The following CMC1 variants were observed in gnomAD, a reference collection of about 807,000 sequenced individuals.
CMC1 encodes COX assembly mitochondrial protein homolog.
A neutral mutation model predicts 14.1 loss-of-function variants in CMC1; 14 were observed. The ratio of observed to expected loss-of-function variants is 0.99; its 90% CI spans 0.66 to 1.55. The LOEUF is 1.55. CMC1 is among the 40% of genes most tolerant of loss of function. The pLI is 0.00. For synonymous variants in CMC1, 50 were observed against 38.4 expected (o/e 1.30, Z -1.12); for missense variants, 127 against 123.8 (o/e 1.03, Z -0.12).
At chr3:28,247,338 A>C (rs769736578) in intron 1 of CMC1, among the ~76,000 whole-genome samples, 1 of 152,084 alleles carries the variant, frequency 6.6e-6, no homozygotes, top group Non-Finnish European at 1.5e-5. Context: ...AAAACCCTTA[A>C]GAGAGTAAGG....
chr3:28,293,047 G>A lies in CMC1; in HGVS notation c.110-23286G>A, dbSNP rs376268131. 8 of 152,168 alleles carry A rather than the reference G, an allele frequency of 5.3e-5. No homozygotes were observed. The East Asian group carries it at 1.2e-3, about 22-fold the overall frequency. 9.4% of individuals were successfully genotyped at this position (152,168 alleles called of 1,614,324 possible). ...TTGAATCTCCAATCAGTTCTCTCTT[G>A]TATCTATATATGCTAAACATACCTT... is the stretch of plus-strand genomic sequence containing the variant. On this transcript the variant is annotated intron_variant, in intron 2 of 3. Coordinates refer to ENST00000466830, the MANE Select transcript of CMC1 (RefSeq NM_182523.2).
intron 2 of CMC1, among the ~76,000 whole-genome samples, chr3:28,290,013 C>T (rs1701388295): frequency 1.3e-5 from 2 of 152,054 alleles, no homozygotes. Flanking sequence ...TACAAGAAAA[C>T]ATATGAAACC....
At chr3:28,278,369 G>A (rs1415752907) in intron 2 of CMC1, among the ~76,000 whole-genome samples, 1 of 152,120 alleles carries the variant, frequency 6.6e-6, no homozygotes, top group African/African-American at 2.4e-5. Flanking sequence ...ATTGCAGTGT[G>A]AAACCACTTT....
At chr3:28,273,900 A>G (rs116446188) in intron 2 of CMC1, among the ~76,000 whole-genome samples, 18,070 of 152,154 alleles carry the variant, frequency 0.12, 1,709 homozygotes, top group East Asian at 0.48. Flanking sequence ...GACAAAAAGT[A>G]GGATTGCAAC....
chr3:28,308,412 TTTC>T (rs1215901093), intron 2 of CMC1, among the ~76,000 whole-genome samples: 1 of 152,232 alleles, frequency 6.6e-6, no homozygotes, highest in Non-Finnish European at 1.5e-5. Context: ...ATCATTTTCT[TTTC>T]TTATCGTAGT....
At chr3:28,316,170 A>T in intron 2 of CMC1, 163 bp from the exon 3 acceptor site, 1 of 486,068 alleles carries the variant, frequency 2.1e-6, no homozygotes, top group Non-Finnish European at 3.6e-6. Flanking sequence ...AGCACAATGT[A>T]CATAATAGAT....
intron 2 of CMC1, among the ~76,000 whole-genome samples, chr3:28,301,786 G>A (rs1343595014): frequency 2.0e-5 from 3 of 152,064 alleles, no homozygotes; most frequent in East Asian, 1.9e-4. Flanking sequence ...TTAAACTGGC[G>A]CTGAGCCAGG....
At chr3:28,284,712 G>A (rs1701084365) in intron 2 of CMC1, among the ~76,000 whole-genome samples, 1 of 150,058 alleles carries the variant, frequency 6.7e-6, no homozygotes, top group African/African-American at 2.4e-5. Flanking sequence ...GTTTTTGGCT[G>A]TTTTTGTTGT....
At chr3:28,279,975 GTATC>G (rs1195464101) in intron 2 of CMC1, among the ~76,000 whole-genome samples, 2 of 152,142 alleles carry the variant, frequency 1.3e-5, no homozygotes, top group Admixed American at 6.5e-5. Flanking sequence ...TTATAGTAGT[GTATC>G]TATCAGTAGC....
At position 28,264,162 on chromosome 3, in the gene CMC1, A is replaced by G. The variant is rs1256996572; in HGVS notation, c.109+782A>G. Among the ~76,000 whole-genome samples, 6 of 152,220 alleles carry G rather than the reference A, an allele frequency of 3.9e-5. No homozygotes were observed. The East Asian group carries it at 9.6e-4, about 24-fold the overall frequency. On this transcript the variant is annotated intron_variant, in intron 2 of 3. Transcript: ENST00000466830. ...AAAGAAGTAATAAACTTTTATGGGCATAGGCTATTTTCCTGGCTTTACTTC... is the reference window on the plus strand; with the variant it reads ...AAAGAAGTAATAAACTTTTATGGGCGTAGGCTATTTTCCTGGCTTTACTTC...
At chr3:28,314,265 A>G (rs998380055) in intron 2 of CMC1, among the ~76,000 whole-genome samples, 1 of 152,188 alleles carries the variant, frequency 6.6e-6, no homozygotes, top group Non-Finnish European at 1.5e-5. Context: ...CCAGAGTGAA[A>G]GTTAGTTGAC....
chr3:28,277,429 C>T (rs1345352348), intron 2 of CMC1, among the ~76,000 whole-genome samples: 1 of 152,078 alleles, frequency 6.6e-6, no homozygotes, highest in Non-Finnish European at 1.5e-5. Flanking sequence ...TTATTATTCC[C>T]TGTATGTCAG....
At position 28,245,563 on chromosome 3, in the gene CMC1, G is replaced by A. The variant is rs552024460; in HGVS notation, c.19+3751G>A. ...CTAAGGGAAGTTTCCTTAATCAGGT[G>A]TGTGTGTGTCCCTGTGTCCTTCTAT... On this transcript the variant is annotated intron_variant, in intron 1 of 3. Transcript: ENST00000466830. Among the ~76,000 whole-genome samples, 489 of 152,244 alleles carry A rather than the reference G, an allele frequency of 3.2e-3. 8 individuals are homozygous for A. Among genetic ancestry groups the A allele is most frequent in the South Asian group, 5.8e-3 (28 of 4,824 alleles).
intron 1 of CMC1, among the ~76,000 whole-genome samples, chr3:28,242,069 C>G (rs1559392744): frequency 6.6e-6 from 1 of 152,222 alleles, no homozygotes; most frequent in Non-Finnish European, 1.5e-5. Flanking sequence ...CGCGACTAGT[C>G]TCTTCATTGT....
At chr3:28,277,474 A>T (rs1700639952) in intron 2 of CMC1, among the ~76,000 whole-genome samples, 1 of 152,220 alleles carries the variant, frequency 6.6e-6, no homozygotes, top group Admixed American at 6.5e-5. Flanking sequence ...AATAGACAAA[A>T]ATCTTGAAAG....
intron 2 of CMC1, among the ~76,000 whole-genome samples, chr3:28,272,999 T>C (rs2125492455): frequency 6.6e-6 from 1 of 152,326 alleles, no homozygotes; most frequent in Non-Finnish European, 1.5e-5. Flanking sequence ...TTTTTTGTTG[T>C]ATCTGTGCCA....
intron 2 of CMC1, among the ~76,000 whole-genome samples, chr3:28,308,708 A>G (rs563221030): frequency 4.6e-5 from 7 of 152,206 alleles, no homozygotes; most frequent in Middle Eastern, 3.4e-3. Context: ...CTACAGGCTG[A>G]GCATGGTGGC....
At chr3:28,317,896 C>T (rs1240193910) in intron 3 of CMC1, 1 of 151,876 alleles carries the variant, frequency 6.6e-6, no homozygotes, top group Non-Finnish European at 1.5e-5. Context: ...CCTTCCCTCT[C>T]TCACCCCCTA....
intron 2 of CMC1, among the ~76,000 whole-genome samples, chr3:28,300,754 CT>C (rs1191120665): frequency 1.2e-3 from 179 of 144,148 alleles, no homozygotes; most frequent in East Asian, 4.2e-3. Context: ...TCCTTCCTTC[CT>C]TTTTTTTTCA....
Sources: gnomAD v4.1 joint callset for allele counts (sites outside exome capture counted in the v4.1 genomes callset) on GRCh38, gnomAD v4.1.1 for gene constraint, MANE v1.5 for transcripts, NCBI Gene and HGNC (gene_info 2026-07-23, HGNC 2026-07-21) for gene names.